NLRP1: variants seen among roughly 807,000 people sequenced by gnomAD.
NLRP1 encodes NLR family pyrin domain containing 1, also known as NACHT, LRR and PYD domains-containing protein 1.
A neutral mutation model predicts 136.7 loss-of-function variants in NLRP1; 94 were observed. The observed-to-expected ratio is 0.69, with a 90% confidence interval of 0.58 to 0.82. NLRP1 has a LOEUF of 0.82. Ranked by LOEUF, NLRP1 falls within the 40% of genes least tolerant of loss-of-function variation. NLRP1 has a pLI of 0.00. For missense variants in NLRP1, 1,575 were observed against 1,802.7 expected, an observed-to-expected ratio of 0.87 and a Z score of 2.29; for synonymous variants, 690 against 725.1, an observed-to-expected ratio of 0.95 and a Z score of 0.78.
At chr17:5,521,156 A>G in intron 13 of NLRP1, 144 bp from the exon 14 acceptor site, 2 of 782,140 alleles carry the variant, frequency 2.6e-6, no homozygotes, top group East Asian at 2.7e-5. Flanking sequence ...GCACTGCTAC[A>G]GAGACAGCCC....
In NLRP1 at chr17:5,536,899, A is replaced by T; in HGVS notation, c.2912T>A (p.Leu971Gln). 2 of 1,613,814 alleles carry T rather than the reference A, an allele frequency of 1.2e-6. No homozygotes were observed. The highest frequency in any genetic ancestry group is 1.3e-5 in the African/African-American group (1 of 75,026). ...AGGTTTCTCCTGCTCCAGGGCCCTC[A>T]GTTCCTGCCTCATCTCATCACTCAG... Reference protein sequence around the residue: ...TTLSDEMRQELRALEQEKPQL... With the variant: ...TTLSDEMRQEQRALEQEKPQL... The change falls in exon 8 of 17, where the codon CTG (leucine) becomes CAG (glutamine). Residue 971 changes from leucine (L) to glutamine (Q), a missense_variant. Coordinates refer to ENST00000572272, the MANE Select transcript of NLRP1 (RefSeq NM_033004.4).
intron 3 of NLRP1, among the ~76,000 whole-genome samples, chr17:5,570,053 T>G (rs914048244): frequency 1.3e-5 from 2 of 152,014 alleles, no homozygotes; most frequent in African/African-American, 4.8e-5. Context: ...AATAAAGAAA[T>G]TCTTTGAAAC....
At chr17:5,556,948 A>T (rs1299668708) in intron 4 of NLRP1, among the ~76,000 whole-genome samples, 1 of 151,850 alleles carries the variant, frequency 6.6e-6, no homozygotes, top group African/African-American at 2.4e-5. Context: ...GTTATTACAG[A>T]ATGATGGAAT....
chr17:5,579,813 A>T (rs1161428791), intron 3 of NLRP1, among the ~76,000 whole-genome samples: 1 of 152,232 alleles, frequency 6.6e-6, no homozygotes, highest in African/African-American at 2.4e-5. Flanking sequence ...ACACAGGAAC[A>T]GACAATGAAA....
At chr17:5,568,262 G>A (rs1457590684) in intron 3 of NLRP1, among the ~76,000 whole-genome samples, 1 of 150,486 alleles carries the variant, frequency 6.6e-6, no homozygotes, top group African/African-American at 2.4e-5. Flanking sequence ...TTTTTCTTTT[G>A]TCCCTTCTGT....
downstream of NLRP1, among the ~76,000 whole-genome samples, chr17:5,509,929 T>C (rs931364412): frequency 6.6e-6 from 1 of 152,174 alleles, no homozygotes; most frequent in African/African-American, 2.4e-5. Context: ...AAGACTCCAA[T>C]TTTCCACCAT....
At position 5,541,627 on chromosome 17, in the gene NLRP1, G is replaced by A. The variant is rs552000399; in HGVS notation, c.2699+230C>T. ...CCCCCTGTCCCCACCTTGCATTCACGTCCCTTGACTCGACTTGGCTTCTCT... is the reference window on the plus strand; with the variant it reads ...CCCCCTGTCCCCACCTTGCATTCACATCCCTTGACTCGACTTGGCTTCTCT... On this transcript the variant is annotated intron_variant, in intron 6 of 16. Transcript: ENST00000572272. This position sits in a 1 kb window ranked among gnomAD's most constrained non-coding sequence, Gnocchi z 4.2. Among the ~76,000 whole-genome samples the A allele has an allele frequency of 3.3e-5, 5 of 152,224 alleles. No individual in the cohort carries two copies. Among genetic ancestry groups the A allele is most frequent in the Non-Finnish European group, 5.9e-5 (4 of 68,018 alleles).
At chr17:5,536,966 C>T in intron 7 of NLRP1, 26 bp from the exon 8 acceptor site, 1 of 1,539,798 alleles carries the variant, frequency 6.5e-7, no homozygotes, top group Non-Finnish European at 9.0e-7. Context: ...GAGCCGGGTC[C>T]TCCTGGGATC....
At position 5,581,850 on chromosome 17, in the gene NLRP1, G is replaced by T; in HGVS notation, c.652+9C>A. The T allele has an allele frequency of 1.2e-6, 2 of 1,608,624 alleles. No homozygotes were observed. Among genetic ancestry groups the T allele is most frequent in the African/African-American group, 1.3e-5 (1 of 74,932 alleles). On this transcript the variant is annotated intron_variant, in intron 3 of 16. Transcript: ENST00000572272. ...TCACCACCCCGCCAGGAGCTCAGTA[G>T]GGTCTCACCTGTGTAGTAAATTCCT... is the stretch of plus-strand genomic sequence containing the variant.
In NLRP1 at chr17:5,561,142, C is replaced by T. The variant is rs558150559; in HGVS notation, c.653-1099G>A. 7.9e-5 allele frequency among the ~76,000 whole-genome samples: 12 copies of T among 152,302 alleles called. No individual in the cohort carries two copies. The South Asian group carries it at 1.2e-3, about 16-fold the overall frequency. ...CACGATCTCGGCTCACCGCAACCTC[C>T]GCCTCCCAGGGTCAAGCGATTCTCC... On this transcript the variant is annotated intron_variant, in intron 3 of 16. Coordinates refer to ENST00000572272, the MANE Select transcript of NLRP1 (RefSeq NM_033004.4).
At position 5,546,925 on chromosome 17, in the gene NLRP1, T is replaced by G. The variant is rs563973303; in HGVS notation, c.2529-4898A>C. Among the ~76,000 whole-genome samples, 4 of 152,324 alleles carry G rather than the reference T, an allele frequency of 2.6e-5. No homozygotes were observed. In the South Asian group the frequency reaches 8.3e-4, roughly 32 times the overall value. ...ACATTTGCCTGATCCAGATTTTCTT[T>G]CTTTTTATGGTGCTACCCCCAGTGA... is the stretch of plus-strand genomic sequence containing the variant. On this transcript the variant is annotated intron_variant, in intron 5 of 16. Transcript: ENST00000572272.
exon 16 of NLRP1, chr17:5,501,721 C>T: frequency 8.1e-6 from 8 of 987,654 alleles, no homozygotes; most frequent in South Asian, 5.2e-5. Flanking sequence ...CACCTAAGCC[C>T]ATTTCTCAGA....
At chr17:5,560,454 G>A (rs1914608962) in intron 3 of NLRP1, among the ~76,000 whole-genome samples, 1 of 152,192 alleles carries the variant, frequency 6.6e-6, no homozygotes, top group Non-Finnish European at 1.5e-5. Flanking sequence ...AGGAGACACT[G>A]GAGTGTGTAG....
rs543374066 is a variant in NLRP1, at chr17:5,527,949, A to C, written c.3520+2532T>G. On this transcript the variant is annotated intron_variant, in intron 12 of 16. Transcript: ENST00000572272. Reference sequence around the variant, plus strand: ...GCTCATCCACCTCTGAGAGTGGGGAATGAGGGGGCGCTGGAGCAGGACCTG... The same window carrying C: ...GCTCATCCACCTCTGAGAGTGGGGACTGAGGGGGCGCTGGAGCAGGACCTG... Among the ~76,000 whole-genome samples, 190 of 152,298 alleles carry C rather than the reference A, an allele frequency of 1.2e-3. 3 individuals carry two copies. The highest frequency in any genetic ancestry group is 6.5e-4 in the Admixed American group (10 of 15,298).
intron 5 of NLRP1, among the ~76,000 whole-genome samples, chr17:5,545,487 CACAG>C (rs1188812701): frequency 1.3e-5 from 2 of 149,502 alleles, no homozygotes; most frequent in East Asian, 2.0e-4. Flanking sequence ...GACACACACA[CACAG>C]ACACACAGAC....
At position 5,558,246 on chromosome 17, in the gene NLRP1, G is replaced by A. The variant is rs1914316393; in HGVS notation, c.2357+93C>T. On this transcript the variant is annotated intron_variant, in intron 4 of 16. Coordinates refer to ENST00000572272, the MANE Select transcript of NLRP1 (RefSeq NM_033004.4). ...TGATCCTTTAGCCACCCCCACCCCC[G>A]GCCAGGCTCAGTGAGCATGCCTCTG... 20 of 1,383,262 alleles carry A rather than the reference G, an allele frequency of 1.4e-5. No homozygotes were observed. In the South Asian group the frequency reaches 1.8e-4, roughly 13 times the overall value. The allele number at this position is 1,383,262 out of a possible 1,614,324, so 85.7% of individuals were successfully genotyped here.
rs1384863821 is a variant in NLRP1, at chr17:5,521,513, C to G, written c.3783+11G>C. ...CCACCGTGGCCCAGCCTTTCTGGCT[C>G]TTAGTGTCACCTTCCGAATGGAGCA... is the stretch of plus-strand genomic sequence containing the variant. On this transcript the variant is annotated intron_variant, in intron 13 of 16. Transcript: ENST00000572272. The G allele has an allele frequency of 3.1e-6, 5 of 1,610,170 alleles. No individual in the cohort carries two copies. Among genetic ancestry groups the G allele is most frequent in the Non-Finnish European group, 4.2e-6 (5 of 1,177,414 alleles).
In NLRP1 at chr17:5,537,429, G is replaced by T. The variant is rs891236596; in HGVS notation, c.2871-489C>A. ...GGGTCCTGGGATTTTCTTCCCAGTG[G>T]TCGGAAGTTTTGCTGGGAAGAGAGA... On this transcript the variant is annotated intron_variant, in intron 7 of 16. Transcript: ENST00000572272. This position sits in a 1 kb window ranked among gnomAD's most constrained non-coding sequence, Gnocchi z 4.5. Among the ~76,000 whole-genome samples, 8 of 152,176 alleles carry T rather than the reference G, an allele frequency of 5.3e-5. No homozygotes were observed. The highest frequency in any genetic ancestry group is 1.9e-4 in the African/African-American group (8 of 41,452).
intron 4 of NLRP1, among the ~76,000 whole-genome samples, chr17:5,554,891 G>A (rs1913842824): frequency 6.6e-6 from 1 of 152,010 alleles, no homozygotes; most frequent in Non-Finnish European, 1.5e-5. Context: ...ATGTGGTGGT[G>A]TGCACCTGTA....
Sources: gnomAD v4.1 joint callset for allele counts (sites outside exome capture counted in the v4.1 genomes callset) on GRCh38, gnomAD v4.1.1 for gene constraint, Gnocchi (gnomAD v3.1) non-coding constraint, MANE v1.5 for transcripts, NCBI Gene and HGNC (gene_info 2026-07-23, HGNC 2026-07-21) for gene names.